ZBTB44: variants seen among roughly 807,000 people sequenced by gnomAD.
ZBTB44 encodes zinc finger and BTB domain containing 44.
ZBTB44 carries 15 observed loss-of-function variants against 54.0 expected under a neutral mutation model. The ratio of observed to expected loss-of-function variants is 0.28; its 90% CI spans 0.19 to 0.43. ZBTB44 has a LOEUF of 0.43. Among genes scored for constraint, ZBTB44 ranks in the 20% least tolerant of loss-of-function variants. The pLI is 1.00. For missense variants in ZBTB44, 487 were observed against 707.1 expected (o/e 0.69, Z 3.53); for synonymous variants, 230 against 250.1 (o/e 0.92, Z 0.76).
At chr11:130,276,431 CTTTT>C (rs1004293725) in intron 1 of ZBTB44, among the ~76,000 whole-genome samples, 10 of 142,778 alleles carry the variant, frequency 7.0e-5, no homozygotes, top group African/African-American at 2.1e-4. Context: ...CTATACGTTT[CTTTT>C]TTTTTTCTTT....
intron 1 of ZBTB44, chr11:130,296,248 T>C (rs1941635754): frequency 6.5e-6 from 9 of 1,392,220 alleles, no homozygotes; most frequent in Admixed American, 3.9e-5. Context: ...GTGGATGGTC[T>C]TGAGCAGGGA....
At chr11:130,248,673 A>C (rs112172428) in intron 2 of ZBTB44, among the ~76,000 whole-genome samples, 6,365 of 152,232 alleles carry the variant, frequency 0.042, 336 homozygotes, top group African/African-American at 0.12. Context: ...AAAAAACACA[A>C]GAAACAAACC....
In ZBTB44 at chr11:130,314,392, G is replaced by T; in HGVS notation, c.-74C>A. ...CCCGTTACCTGCGGGCGGCGGCGCC[G>T]GGCCCGGAGGCCTGCTGCTCCTCCT... On this transcript the variant is annotated 5_prime_UTR_variant, in exon 1 of 8. Transcript: ENST00000357899. The T allele has an allele frequency of 6.5e-6, 1 of 153,142 alleles. No individual in the cohort carries two copies. Among genetic ancestry groups the T allele is most frequent in the South Asian group, 1.8e-4 (1 of 5,686 alleles). 9.5% of individuals were successfully genotyped at this position (153,142 alleles called of 1,614,324 possible). A position where few individuals can be genotyped will look rare whatever the true frequency, so the allele number is the denominator to read the frequency against.
At chr11:130,250,383 C>T (rs1441787975) in intron 2 of ZBTB44, among the ~76,000 whole-genome samples, 5 of 152,168 alleles carry the variant, frequency 3.3e-5, no homozygotes, top group East Asian at 3.9e-4. Flanking sequence ...AAGAGAGCAG[C>T]GGATACTCAC....
rs148620759 is a variant in ZBTB44 at position 130,305,464 on chromosome 11, C to T, written c.-57+8911G>A. On this transcript the variant is annotated intron_variant, in intron 1 of 7. Coordinates refer to ENST00000357899, the MANE Select transcript of ZBTB44 (RefSeq NM_001301098.2). ...CCAAAATAAAGCCAAATACTTACAG[C>T]CAACTGGTCTTTGACAAAGCAAACA... Among the ~76,000 whole-genome samples the T allele has an allele frequency of 1.3e-3, 203 of 152,244 alleles. 1 individual carries two copies. Among genetic ancestry groups the T allele is most frequent in the African/African-American group, 4.7e-3 (194 of 41,544 alleles).
intron 1 of ZBTB44, among the ~76,000 whole-genome samples, chr11:130,281,519 A>AT (rs1332206261): frequency 4.6e-5 from 5 of 109,400 alleles, no homozygotes; most frequent in African/African-American, 1.9e-4. Context: ...CTGTCTCAAA[A>AT]TAAATAAATA....
intron 1 of ZBTB44, chr11:130,296,373 G>T: frequency 6.5e-7 from 1 of 1,530,350 alleles, no homozygotes; most frequent in Non-Finnish European, 8.8e-7. Context: ...ATACCACTAT[G>T]AGTTGCTGAA....
At position 130,261,756 on chromosome 11, in the gene ZBTB44, T is replaced by C; in HGVS notation, c.118A>G (p.Lys40Glu). The change falls in exon 2 of 8, where the codon AAA becomes GAA. Residue 40 changes from lysine to glutamate, a missense_variant. This residue lies in a region of ZBTB44 where 90 missense variants were observed against 160.3 expected (regional missense o/e 0.56). Coordinates refer to ENST00000357899, the MANE Select transcript of ZBTB44 (RefSeq NM_001301098.2). This position sits in a 1 kb window ranked among gnomAD's most constrained non-coding sequence, Gnocchi z 4.8. Reference protein sequence around the residue: ...FCDITIRVQDKIFRAHKVVLA... With the variant: ...FCDITIRVQDEIFRAHKVVLA... Reference sequence around the variant, plus strand: ...ACCACCTTATGTGCCCGGAAGATTTTGTCCTGGACACGAATAGTGATATCA... The same window carrying C: ...ACCACCTTATGTGCCCGGAAGATTTCGTCCTGGACACGAATAGTGATATCA... 6.2e-7 allele frequency: 1 copy of C among 1,614,060 alleles called. No homozygotes were observed. Among genetic ancestry groups the C allele is most frequent in the East Asian group, 2.2e-5 (1 of 44,884 alleles).
intron 2 of ZBTB44, among the ~76,000 whole-genome samples, chr11:130,247,078 C>G (rs1294267963): frequency 6.6e-6 from 1 of 152,162 alleles, no homozygotes; most frequent in African/African-American, 2.4e-5. Context: ...CTTGAACCCT[C>G]CCTAATGGAG....
Position 130,238,617 on chromosome 11 carries a change from A to T in ZBTB44, c.1104-10T>A, listed in dbSNP as rs751132818. 6.2e-7 allele frequency: 1 copy of T among 1,607,350 alleles called. No homozygotes were observed. Among genetic ancestry groups the T allele is most frequent in the South Asian group, 1.1e-5 (1 of 89,556 alleles). On this transcript the variant is annotated splice_polypyrimidine_tract_variant and intron_variant, in intron 3 of 7. Coordinates refer to ENST00000357899, the MANE Select transcript of ZBTB44 (RefSeq NM_001301098.2). ...CTGAACATTTTCCAATCTAAAAAAA[A>T]CAGACCAAAGAAGGCAACCAGGCTC...
At chr11:130,274,871 T>C (rs1208806171) in intron 1 of ZBTB44, among the ~76,000 whole-genome samples, 1 of 152,204 alleles carries the variant, frequency 6.6e-6, no homozygotes, top group Non-Finnish European at 1.5e-5. Flanking sequence ...ACCAGCCACA[T>C]AAAATGATAT....
intron 1 of ZBTB44, among the ~76,000 whole-genome samples, chr11:130,263,837 C>A (rs1939055527): frequency 6.6e-6 from 1 of 152,168 alleles, no homozygotes; most frequent in African/African-American, 2.4e-5. Context: ...CCTGCTTACT[C>A]CCCTGCAGGG....
chr11:130,267,997 G>A (rs1171309190), intron 1 of ZBTB44, among the ~76,000 whole-genome samples: 1 of 151,398 alleles, frequency 6.6e-6, no homozygotes, highest in African/African-American at 2.4e-5. Context: ...TTGAACCCGG[G>A]AGGTGGAGGC....
intron 2 of ZBTB44, among the ~76,000 whole-genome samples, chr11:130,254,149 T>C (rs558166044): frequency 2.0e-4 from 31 of 152,276 alleles, no homozygotes; most frequent in African/African-American, 2.4e-4. Flanking sequence ...ATTCAGGACA[T>C]AGGCATGGGC....
chr11:130,309,860 C>A, intron 1 of ZBTB44, among the ~76,000 whole-genome samples: 1 of 143,472 alleles, frequency 7.0e-6, no homozygotes, highest in South Asian at 2.2e-4. Context: ...CGAGCCACTG[C>A]ATTCCAGCCT....
intron 1 of ZBTB44, among the ~76,000 whole-genome samples, chr11:130,306,167 CT>C (rs1413496421): frequency 2.6e-5 from 4 of 152,120 alleles, no homozygotes; most frequent in African/African-American, 9.7e-5. Flanking sequence ...GAAATGTAAA[CT>C]AGTACAACCA....
At chr11:130,294,602 T>C (rs180858923) in intron 1 of ZBTB44, among the ~76,000 whole-genome samples, 46 of 146,562 alleles carry the variant, frequency 3.1e-4, no homozygotes, top group Non-Finnish European at 4.8e-4. Context: ...CCCCACCCCA[T>C]TATGTTGTTG....
intron 2 of ZBTB44, among the ~76,000 whole-genome samples, chr11:130,258,451 A>G (rs1462286756): frequency 6.6e-6 from 1 of 152,170 alleles, no homozygotes. Context: ...CTGCATGTCA[A>G]TAACAGTTTT....
intron 2 of ZBTB44, among the ~76,000 whole-genome samples, chr11:130,255,142 G>A (rs1301116274): frequency 1.3e-5 from 2 of 152,026 alleles, no homozygotes; most frequent in Non-Finnish European, 2.9e-5. Flanking sequence ...GTTAATAGGT[G>A]CAGCACACCA....
Sources: gnomAD v4.1 joint callset for allele counts (sites outside exome capture counted in the v4.1 genomes callset) on GRCh38, gnomAD v4.1.1 for gene constraint, gnomAD v4.1.1 regional missense constraint, Gnocchi (gnomAD v3.1) non-coding constraint, MANE v1.5 for transcripts, NCBI Gene and HGNC (gene_info 2026-07-23, HGNC 2026-07-21) for gene names.